The following TERF1 variants were observed in gnomAD, a reference collection of about 807,000 sequenced individuals.
The protein encoded by TERF1 is telomeric repeat binding factor 1, also known as telomeric repeat-binding factor 1.
TERF1 carries 20 observed loss-of-function variants against 55.1 expected under a neutral mutation model. That is an observed-to-expected ratio of 0.36 (90% CI 0.26 to 0.53). The LOEUF (loss-of-function observed/expected upper bound fraction) is 0.53, where lower values mean the gene tolerates loss of function less well. Among genes scored for constraint, TERF1 ranks in the 20% least tolerant of loss-of-function variants. The probability of loss-of-function intolerance (pLI) is 0.91; values close to 1 mark genes in which losing one functional copy is unlikely to be tolerated. For missense variants in TERF1, 439 were observed against 535.7 expected (o/e 0.82, Z 1.78); for synonymous variants, 168 against 181.2 (o/e 0.93, Z 0.59).
chr8:73,036,387 C>T (rs1265971785), intron 8 of TERF1, among the ~76,000 whole-genome samples: 2 of 152,152 alleles, frequency 1.3e-5, no homozygotes, highest in Non-Finnish European at 2.9e-5. Flanking sequence ...TGTCTTAACA[C>T]ATAATTTTAG....
At chr8:73,031,833 G>C (rs1178407626) in intron 7 of TERF1, 1 of 374,974 alleles carries the variant, frequency 2.7e-6, no homozygotes, top group African/African-American at 2.1e-5. Flanking sequence ...TTTCTGCGGA[G>C]TAGATGAGAT....
At chr8:73,012,976 G>T in intron 1 of TERF1, 1 of 455,354 alleles carries the variant, frequency 2.2e-6, no homozygotes, top group Non-Finnish European at 4.4e-6. Flanking sequence ...TAAATTTTGT[G>T]CTCTCTTAAA....
At chr8:73,020,854 T>G in intron 3 of TERF1, 49 bp downstream of exon 3, 1 of 1,102,026 alleles carries the variant, frequency 9.1e-7, no homozygotes, top group Non-Finnish European at 1.3e-6. Context: ...AAAATAACAT[T>G]TAAAAGAAAT....
At chr8:73,022,679 G>C (rs1447089481) in intron 4 of TERF1, among the ~76,000 whole-genome samples, 1 of 152,156 alleles carries the variant, frequency 6.6e-6, no homozygotes, top group South Asian at 2.1e-4. Flanking sequence ...CGGTGCAATA[G>C]CTCATGCCTA....
In TERF1 at chr8:73,024,833, C is replaced by T. The variant is rs1362537544; in HGVS notation, c.636C>T (p.Ser212=). Residue 212 remains serine, a synonymous_variant, in exon 5 of 10, where the codon AGC becomes AGT. Transcript: ENST00000276603. ...GDPNSHMPFK[S]KLLMIISQKD... The stretch of plus-strand genomic sequence containing the variant: ...TCTGTTTTCTTTAGCCTTTCAAAAG[C>T]AAATTGCTTATGATAATCTCTCAGA... The T allele has an allele frequency of 1.3e-6, 2 of 1,580,064 alleles. No individual in the cohort carries two copies. The highest frequency in any genetic ancestry group is 1.9e-5 in the Admixed American group (1 of 53,854).
chr8:73,009,295 C>CGAGGGAGGTCGG (rs1554551918), intron 1 of TERF1, 90 bp downstream of exon 1: 1 of 238,604 alleles, frequency 4.2e-6, no homozygotes, highest in Non-Finnish European at 6.0e-6. Context: ...CCTACGTCGC[C>CGAGGGAGGTCGG]GAGGGAGGGG....
intron 6 of TERF1, chr8:73,030,108 C>A (rs1355305443): frequency 8.3e-6 from 3 of 363,394 alleles, no homozygotes; most frequent in East Asian, 4.2e-5. Flanking sequence ...TTGACTACAC[C>A]ATTAATTATG....
intron 3 of TERF1, among the ~76,000 whole-genome samples, chr8:73,021,128 T>C (rs1457784394): frequency 1.3e-5 from 2 of 152,170 alleles, no homozygotes; most frequent in African/African-American, 4.8e-5. Flanking sequence ...ATCAAGAATA[T>C]ATAAAATTTT....
At position 73,008,945 on chromosome 8, in the gene TERF1, A is replaced by C; in HGVS notation, c.59A>C (p.Asp20Ala). The C allele has an allele frequency of 1.2e-6, 2 of 1,612,956 alleles. No homozygotes were observed. The highest frequency in any genetic ancestry group is 4.5e-5 in the East Asian group (2 of 44,854). The change falls in exon 1 of 10, where the codon GAT becomes GCT. Residue 20 changes from aspartate (D) to alanine (A), a missense_variant. By Grantham distance (126) the Asp-to-Ala change is moderately radical. Around this residue, in one of 4 missense-constraint regions of TERF1, gnomAD observed 179 missense variants for 152.6 expected, o/e 1.17. Transcript: ENST00000276603. Reference sequence around the variant, plus strand: ...CCGCGGGGCTGTGCGGATGGTAGGGATGCCGACCCTACTGAGGAGCAGATG... The same window carrying C: ...CCGCGGGGCTGTGCGGATGGTAGGGCTGCCGACCCTACTGAGGAGCAGATG... ...PSPRGCADGRDADPTEEQMAE... is the reference protein window; with the variant it reads ...PSPRGCADGRAADPTEEQMAE...
chr8:73,021,301 T>C (rs1056830511), intron 3 of TERF1, among the ~76,000 whole-genome samples: 2 of 152,080 alleles, frequency 1.3e-5, no homozygotes, highest in Non-Finnish European at 2.9e-5. Context: ...TAAAAGAAAA[T>C]CCAAGTCATT....
intron 1 of TERF1, 188 bp from the exon 2 acceptor site, chr8:73,013,707 A>G: frequency 1.8e-6 from 1 of 555,384 alleles, no homozygotes; most frequent in South Asian, 2.2e-5. Flanking sequence ...TGAAAGTTAT[A>G]TTTTGTAAGA....
chr8:73,041,122 T>C (rs1274263648), intron 9 of TERF1, among the ~76,000 whole-genome samples: 1 of 152,226 alleles, frequency 6.6e-6, no homozygotes, highest in Non-Finnish European at 1.5e-5. Flanking sequence ...GCTTTGTCTC[T>C]TCAGACTGTG....
intron 1 of TERF1, chr8:73,010,083 A>T (rs989202101): frequency 1.3e-5 from 2 of 152,204 alleles, no homozygotes; most frequent in African/African-American, 4.8e-5. Context: ...TTGAAAAACA[A>T]CAGAAAGATG....
intron 1 of TERF1, chr8:73,010,534 A>G (rs1044921554): frequency 5.2e-4 from 79 of 152,248 alleles, no homozygotes; most frequent in African/African-American, 1.8e-3. Flanking sequence ...TTACTCTGTC[A>G]GATAAAAGGG....
intron 7 of TERF1, chr8:73,031,593 C>CTAA (rs1809288447): frequency 6.6e-6 from 1 of 152,280 alleles, no homozygotes; most frequent in African/African-American, 2.4e-5. Flanking sequence ...AACAGCCTTA[C>CTAA]CTTTCAAAAC....
At chr8:73,015,310 T>A (rs1158850062) in intron 2 of TERF1, among the ~76,000 whole-genome samples, 1 of 132,824 alleles carries the variant, frequency 7.5e-6, no homozygotes, top group Non-Finnish European at 1.6e-5. Context: ...ATAACCCTTT[T>A]GCTTTTTTTT....
chr8:73,036,476 C>T (rs901034837), intron 8 of TERF1, among the ~76,000 whole-genome samples: 3 of 152,092 alleles, frequency 2.0e-5, no homozygotes, highest in African/African-American at 7.2e-5. Context: ...GATGATTTTG[C>T]AGAGAACTGA....
rs1202912619 is a variant in TERF1 at position 73,047,867 on chromosome 8, C to T, written c.*1730C>T. 6.6e-6 allele frequency: 1 copy of T among 152,164 alleles called. No individual in the cohort carries two copies. Among genetic ancestry groups the T allele is most frequent in the Non-Finnish European group, 1.5e-5 (1 of 68,034 alleles). 9.4% of individuals were successfully genotyped at this position (152,164 alleles called of 1,614,324 possible). A position where few individuals can be genotyped will look rare whatever the true frequency, so the allele number is the denominator to read the frequency against. ...GCCAAAATAGACTTGTTAAGTCAAC[C>T]TCATTCCAAACACCTGCTATAGATC... On this transcript the variant is annotated 3_prime_UTR_variant, in exon 10 of 10. Coordinates refer to ENST00000276603, the MANE Select transcript of TERF1 (RefSeq NM_017489.3).
chr8:73,038,836 CT>C (rs1419802734), intron 8 of TERF1: 411 of 750,990 alleles, frequency 5.5e-4, no homozygotes, highest in East Asian at 1.2e-3. Context: ...AATATTTTTC[CT>C]TTTTTTTTAA....
Sources: allele counts gnomAD v4.1 joint callset (sites outside exome capture counted in the v4.1 genomes callset), GRCh38; gene constraint gnomAD v4.1.1; regional missense constraint gnomAD v4.1.1; transcripts MANE v1.5; gene names NCBI Gene and HGNC (gene_info 2026-07-23, HGNC 2026-07-21).